HPSE2: variants seen among roughly 807,000 people sequenced by gnomAD.
The protein encoded by HPSE2 is heparanase 2 (inactive).
HPSE2 carries 38 observed loss-of-function variants against 60.5 expected under a neutral mutation model. That is an observed-to-expected ratio of 0.63 (90% CI 0.48 to 0.82). The LOEUF (loss-of-function observed/expected upper bound fraction) is 0.82. HPSE2 is among the 40% of genes least tolerant of loss of function. HPSE2 has a pLI of 0.00. For missense variants in HPSE2, 713 were observed against 740.4 expected (o/e 0.96, Z 0.43); for synonymous variants, 295 against 293.2 (o/e 1.01, Z -0.06).
intron 3 of HPSE2, among the ~76,000 whole-genome samples, chr10:98,805,089 T>C (rs557635572): frequency 1.1e-4 from 16 of 151,996 alleles, no homozygotes; most frequent in South Asian, 4.2e-4. Context: ...ATCAAAACAA[T>C]TGAACTCATG....
intron 3 of HPSE2, among the ~76,000 whole-genome samples, chr10:98,957,263 C>T (rs917605976): frequency 6.6e-6 from 1 of 152,146 alleles, no homozygotes; most frequent in Admixed American, 6.6e-5. Flanking sequence ...TGTGAGGATC[C>T]ACTATCTAGC....
chr10:98,724,228 T>C (rs1480481786), intron 4 of HPSE2, among the ~76,000 whole-genome samples: 1 of 152,190 alleles, frequency 6.6e-6, no homozygotes, highest in Non-Finnish European at 1.5e-5. Context: ...ATGTACCCAG[T>C]AGTCATTCAG....
chr10:98,493,237 C>A (rs919274465), intron 9 of HPSE2, among the ~76,000 whole-genome samples: 4 of 152,172 alleles, frequency 2.6e-5, no homozygotes, highest in Non-Finnish European at 4.4e-5. Flanking sequence ...GCTTATCCTG[C>A]AAAATGTCCC....
chr10:98,565,299 A>G (rs542866326), intron 9 of HPSE2, among the ~76,000 whole-genome samples: 2 of 151,966 alleles, frequency 1.3e-5, no homozygotes, highest in East Asian at 1.9e-4. Context: ...TGCATTAGCT[A>G]TTTGTCCTAA....
At chr10:98,828,925 A>G (rs1362722088) in intron 3 of HPSE2, among the ~76,000 whole-genome samples, 1 of 152,208 alleles carries the variant, frequency 6.6e-6, no homozygotes, top group African/African-American at 2.4e-5. Context: ...AGCATTATTC[A>G]TAATAGCTAA....
chr10:99,072,032 T>C (rs1443055635), intron 3 of HPSE2, among the ~76,000 whole-genome samples: 1 of 152,080 alleles, frequency 6.6e-6, no homozygotes, highest in Admixed American at 6.6e-5. Context: ...TTTGTTTTTT[T>C]TTTTTTAATT....
At chr10:98,535,768 T>G (rs536821544) in intron 9 of HPSE2, among the ~76,000 whole-genome samples, 1 of 152,290 alleles carries the variant, frequency 6.6e-6, no homozygotes, top group South Asian at 2.1e-4. Context: ...CTCTTTCAAC[T>G]GTTAGGGACA....
In HPSE2 at chr10:98,511,697, T is replaced by A. The variant is rs906766182; in HGVS notation, c.1321-21501A>T. On this transcript the variant is annotated intron_variant, in intron 9 of 11. Coordinates refer to ENST00000370552, the MANE Select transcript of HPSE2 (RefSeq NM_021828.5). Reference sequence around the variant, plus strand: ...CTGTATCTTTGCATTCCCAGTGCCATAGACATTGGGATTTAATAAATATTC... The same window carrying A: ...CTGTATCTTTGCATTCCCAGTGCCAAAGACATTGGGATTTAATAAATATTC... Among the ~76,000 whole-genome samples the A allele has an allele frequency of 5.9e-5, 9 of 152,038 alleles. No individual in the cohort carries two copies. The East Asian group carries it at 1.7e-3, about 29-fold the overall frequency.
Position 98,721,778 on chromosome 10 carries a change from A to G in HPSE2, c.835T>C (p.Leu279=), listed in dbSNP as rs374153380. Residue 279 remains leucine, a synonymous_variant, in exon 5 of 12, where the codon TTG becomes CTG. Coordinates refer to ENST00000370552, the MANE Select transcript of HPSE2 (RefSeq NM_021828.5). ...TTCAGCTGGATGTAATCCTTTCCCA[A>G]CTGGCTGCCATTTACTGCCCGGCCA... is the stretch of plus-strand genomic sequence containing the variant. ...MHGRAVNGSQ[L]GKDYIQLKSL... The G allele has an allele frequency of 2.4e-5, 39 of 1,613,590 alleles. No individual in the cohort carries two copies. Among genetic ancestry groups the G allele is most frequent in the East Asian group, 4.5e-5 (2 of 44,858 alleles).
intron 3 of HPSE2, among the ~76,000 whole-genome samples, chr10:98,987,427 C>A (rs1312850747): frequency 1.3e-5 from 2 of 152,194 alleles, no homozygotes; most frequent in South Asian, 4.2e-4. Context: ...GCAGAAAAGG[C>A]CTTTGACAAA....
At chr10:99,255,727 G>T in the HPSE2 span, among the ~76,000 whole-genome samples, 3 of 152,132 alleles carry the variant, frequency 2.0e-5, no homozygotes, top group African/African-American at 7.2e-5. Flanking sequence ...TATATAGGTA[G>T]CATCATATTT....
intron 3 of HPSE2, among the ~76,000 whole-genome samples, chr10:99,073,517 T>G (rs1056638101): frequency 6.6e-6 from 1 of 152,244 alleles, no homozygotes; most frequent in East Asian, 1.9e-4. Context: ...ACATAGCTAA[T>G]GCATGCTGGG....
At chr10:98,645,674 G>A (rs998566918) in intron 6 of HPSE2, among the ~76,000 whole-genome samples, 1 of 152,062 alleles carries the variant, frequency 6.6e-6, no homozygotes, top group African/African-American at 2.4e-5. Flanking sequence ...TTTAAGAGAG[G>A]GGATCATTTA....
chr10:99,281,222 A>T, the HPSE2 span, among the ~76,000 whole-genome samples: 1 of 148,822 alleles, frequency 6.7e-6, no homozygotes, highest in African/African-American at 2.4e-5. Flanking sequence ...TTTTAAGTAC[A>T]TATTAAAAAC....
chr10:99,000,642 A>C (rs570182383), intron 3 of HPSE2, among the ~76,000 whole-genome samples: 1 of 152,232 alleles, frequency 6.6e-6, no homozygotes, highest in South Asian at 2.1e-4. Flanking sequence ...GCTCGGATTC[A>C]GGCAAGTAAT....
intron 3 of HPSE2, among the ~76,000 whole-genome samples, chr10:99,035,401 G>A (rs1957587740): frequency 6.6e-6 from 1 of 152,084 alleles, no homozygotes; most frequent in Non-Finnish European, 1.5e-5. Flanking sequence ...GTGTTCAGGG[G>A]CAATAATGCA....
At chr10:98,959,146 G>C (rs1018694562) in intron 3 of HPSE2, among the ~76,000 whole-genome samples, 1 of 152,062 alleles carries the variant, frequency 6.6e-6, no homozygotes, top group African/African-American at 2.4e-5. Flanking sequence ...CATAGATCAT[G>C]TTTTATAAAC....
At chr10:99,102,176 A>AGT (rs1844026316) in intron 3 of HPSE2, among the ~76,000 whole-genome samples, 1 of 152,086 alleles carries the variant, frequency 6.6e-6, no homozygotes, top group Admixed American at 6.5e-5. Flanking sequence ...CCCTTCAAAA[A>AGT]ATTAATGAAT....
rs953586002 is a variant in HPSE2, at chr10:98,929,765, G to T, written c.611-185709C>A. ...GAAAAATCAGCCTAAGTTTGTGTTT[G>T]TTTAAAACAAACAGCCCATGAGCTG... On this transcript the variant is annotated intron_variant, in intron 3 of 11. Coordinates refer to ENST00000370552, the MANE Select transcript of HPSE2 (RefSeq NM_021828.5). Among the ~76,000 whole-genome samples, 21 of 143,994 alleles carry T rather than the reference G, an allele frequency of 1.5e-4. 3 individuals carry two copies. The highest frequency in any genetic ancestry group is 2.4e-4 in the Non-Finnish European group (16 of 67,092). The allele number at this position is 143,994 out of a possible 152,430, so 94.5% of individuals were successfully genotyped here. A position where few individuals can be genotyped will look rare whatever the true frequency, so the allele number is the denominator to read the frequency against.
Sources: allele counts gnomAD v4.1 joint callset (sites outside exome capture counted in the v4.1 genomes callset), GRCh38; gene constraint gnomAD v4.1.1; transcripts MANE v1.5; gene names NCBI Gene and HGNC (gene_info 2026-07-23, HGNC 2026-07-21).